CUX1: variants seen among roughly 807,000 people sequenced by gnomAD.
CUX1 encodes cut like homeobox 1, also known as protein CASP.
A neutral mutation model predicts 158.8 loss-of-function variants in CUX1; 31 were observed. The observed-to-expected ratio is 0.20, with a 90% confidence interval of 0.15 to 0.26. The LOEUF is 0.26. Among genes scored for constraint, CUX1 ranks in the 10% least tolerant of loss-of-function variants. CUX1 has a pLI of 1.00. For missense variants in CUX1, 1,589 were observed against 2,014.6 expected (o/e 0.79, Z 4.04); for synonymous variants, 879 against 862.1 (o/e 1.02, Z -0.34).
intron 1 of CUX1, among the ~76,000 whole-genome samples, chr7:101,881,189 G>C (rs1799667957): frequency 6.6e-6 from 1 of 152,190 alleles, no homozygotes; most frequent in African/African-American, 2.4e-5. Context: ...TCTCATTACT[G>C]TCTGTCTCGC....
At chr7:102,219,557 C>T (rs1030248589) in intron 20 of CUX1, among the ~76,000 whole-genome samples, 1 of 152,230 alleles carries the variant, frequency 6.6e-6, no homozygotes, top group African/African-American at 2.4e-5. Flanking sequence ...ATTGGACCTT[C>T]GCGTCGGCCC....
At chr7:101,881,676 C>G (rs973494196) in intron 1 of CUX1, among the ~76,000 whole-genome samples, 1 of 152,104 alleles carries the variant, frequency 6.6e-6, no homozygotes, top group Non-Finnish European at 1.5e-5. Context: ...GCCTTTTCAG[C>G]GATTTGACAG....
In CUX1 at chr7:101,941,196, G is replaced by A. The variant is rs529760444; in HGVS notation, c.141+24971G>A. 8.5e-5 allele frequency among the ~76,000 whole-genome samples: 13 copies of A among 152,290 alleles called. No individual in the cohort carries two copies. The South Asian group carries it at 2.1e-3, about 24-fold the overall frequency. On this transcript the variant is annotated intron_variant, in intron 2 of 23. Transcript: ENST00000292535. Reference sequence around the variant, plus strand: ...GAGCCTCGGACCTGACAGGCTGCCTGGGGAACTCACTGGGAGGAGGGCGGG... The same window carrying A: ...GAGCCTCGGACCTGACAGGCTGCCTAGGGAACTCACTGGGAGGAGGGCGGG...
At chr7:102,143,157 C>T (rs139105227) in intron 8 of CUX1, among the ~76,000 whole-genome samples, 93 of 152,332 alleles carry the variant, frequency 6.1e-4, no homozygotes, top group African/African-American at 2.1e-3. Context: ...CAGTTTCCTC[C>T]ATCACCTAAG....
chr7:102,105,582 G>A (rs1317868822), intron 6 of CUX1, among the ~76,000 whole-genome samples: 5 of 137,826 alleles, frequency 3.6e-5, no homozygotes, highest in African/African-American at 5.6e-5. Context: ...GCGCAATCTC[G>A]GCTCACTGCA....
At chr7:102,265,428 C>T (rs1224554026) in intron 14 of CUX1, among the ~76,000 whole-genome samples, 4 of 151,730 alleles carry the variant, frequency 2.6e-5, no homozygotes, top group Admixed American at 1.3e-4. Flanking sequence ...GCAACCACTG[C>T]ACCCTACAAG....
chr7:102,080,947 C>G (rs1827316637), intron 4 of CUX1, among the ~76,000 whole-genome samples: 2 of 152,204 alleles, frequency 1.3e-5, no homozygotes, highest in Non-Finnish European at 2.9e-5. Flanking sequence ...TATGCTGTTT[C>G]ATTCCTTCTT....
At chr7:101,918,125 G>A (rs982405964) in intron 2 of CUX1, among the ~76,000 whole-genome samples, 1 of 152,216 alleles carries the variant, frequency 6.6e-6, no homozygotes, top group African/African-American at 2.4e-5. Context: ...AGGTTCCTAA[G>A]AGGCCTGGCT....
chr7:102,097,472 A>G lies in CUX1; in HGVS notation c.377A>G (p.Asn126Ser). 6.2e-7 allele frequency: 1 copy of G among 1,610,256 alleles called. No individual in the cohort carries two copies. The highest frequency in any genetic ancestry group is 8.5e-7 in the Non-Finnish European group (1 of 1,179,252). ...CTTAGGGAAACTCTGGAAGAATACA[A>G]CAAGGAATTTGCTGAAGTGAAAAAT... is the stretch of plus-strand genomic sequence containing the variant. ...QKLRETLEEY[N>S]KEFAEVKNQE... The change falls in exon 5 of 24, where the codon AAC becomes AGC. Residue 126 changes from asparagine (N) to serine (S), a missense_variant. Around this residue, in one of 8 missense-constraint regions of CUX1, gnomAD observed 515 missense variants for 574.4 expected, o/e 0.90. Transcript: ENST00000292535.
chr7:101,975,730 G>T (rs1338844925), intron 2 of CUX1, among the ~76,000 whole-genome samples: 1 of 152,214 alleles, frequency 6.6e-6, no homozygotes, highest in Non-Finnish European at 1.5e-5. Flanking sequence ...CAGTGAGGTT[G>T]GCTGTCTTTC....
intron 3 of CUX1, among the ~76,000 whole-genome samples, chr7:102,032,053 G>T (rs1283731128): frequency 6.6e-6 from 1 of 151,524 alleles, no homozygotes; most frequent in East Asian, 1.9e-4. Context: ...AGCCTCCCAA[G>T]TAGCTAGGAC....
At chr7:102,107,652 C>T (rs1830499260) in intron 6 of CUX1, among the ~76,000 whole-genome samples, 1 of 152,232 alleles carries the variant, frequency 6.6e-6, no homozygotes. Context: ...CACTAATTGC[C>T]CAGAATGGAT....
At chr7:102,246,087 CAACCCAAGT>C (rs1348814906) in intron 23 of CUX1, among the ~76,000 whole-genome samples, 2 of 152,112 alleles carry the variant, frequency 1.3e-5, no homozygotes, top group Non-Finnish European at 2.9e-5. Context: ...GCCAGATATC[CAACCCAAGT>C]GTGCCTGCTT....
chr7:101,818,075 T>C (rs1204325297), intron 1 of CUX1, among the ~76,000 whole-genome samples: 1 of 152,236 alleles, frequency 6.6e-6, no homozygotes, highest in Non-Finnish European at 1.5e-5. Context: ...TGAAATTTCC[T>C]GAAATTTCTC....
At chr7:102,213,739 C>T (rs1218755482) in intron 20 of CUX1, among the ~76,000 whole-genome samples, 1 of 152,138 alleles carries the variant, frequency 6.6e-6, no homozygotes, top group African/African-American at 2.4e-5. Flanking sequence ...GCCTAGAAAC[C>T]CTCAGGTGAT....
chr7:102,201,227 C>T lies in CUX1; in HGVS notation c.2063-133C>T, dbSNP rs1315497987. 39 of 1,310,990 alleles carry T rather than the reference C, an allele frequency of 3.0e-5. No individual in the cohort carries two copies. Among genetic ancestry groups the T allele is most frequent in the Non-Finnish European group, 4.0e-5 (38 of 956,058 alleles). The allele number at this position is 1,310,990 out of a possible 1,614,324, so 81.2% of individuals were successfully genotyped here. ...GCCTGAATGTTTCACTGACAGGGGC[C>T]ATGCTGGGGAAATACACAGTGTGGT... On this transcript the variant is annotated intron_variant, in intron 17 of 23. Coordinates refer to ENST00000292535, the MANE Select transcript of CUX1 (RefSeq NM_181552.4). The surrounding 1 kb of genome is among the most constrained non-coding windows in gnomAD (Gnocchi z 5.0).
chr7:102,008,831 G>A (rs1285594771), intron 2 of CUX1, among the ~76,000 whole-genome samples: 3 of 152,184 alleles, frequency 2.0e-5, no homozygotes, highest in South Asian at 2.1e-4. Flanking sequence ...ATCCTGATGC[G>A]CACCCCAGGT....
intron 1 of CUX1, among the ~76,000 whole-genome samples, chr7:101,905,664 C>T (rs1057377169): frequency 1.3e-5 from 2 of 152,178 alleles, no homozygotes; most frequent in African/African-American, 4.8e-5. Context: ...AGCCACCATA[C>T]GCCGTGAGAT....
Position 102,255,808 on chromosome 7 carries a change from C to T in CUX1, c.*6766C>T, listed in dbSNP as rs57360065. On this transcript the variant is annotated 3_prime_UTR_variant, in exon 24 of 24. Coordinates refer to ENST00000292535, the MANE Select transcript of CUX1 (RefSeq NM_181552.4). ...TTTTGTTTTATAATTCTTTTTTCCC[C>T]CCTTTTCCTTCTTCTTTTTTATTAT... 1,931 of 984,838 alleles carry T rather than the reference C, an allele frequency of 2.0e-3. 17 individuals are homozygous for T. In the African/African-American group the frequency reaches 0.025, roughly 13 times the overall value. 61.0% of individuals were successfully genotyped at this position (984,838 alleles called of 1,614,324 possible).
Sources: gnomAD v4.1 joint callset for allele counts (sites outside exome capture counted in the v4.1 genomes callset) on GRCh38, gnomAD v4.1.1 for gene constraint, gnomAD v4.1.1 regional missense constraint, Gnocchi (gnomAD v3.1) non-coding constraint, MANE v1.5 for transcripts, NCBI Gene and HGNC (gene_info 2026-07-23, HGNC 2026-07-21) for gene names.